HIVEP3: variants seen among roughly 807,000 people sequenced by gnomAD.
HIVEP3 encodes transcription factor HIVEP3.
A neutral mutation model predicts 152.8 loss-of-function variants in HIVEP3; 49 were observed. That is an observed-to-expected ratio of 0.32 (90% CI 0.26 to 0.41). The LOEUF (loss-of-function observed/expected upper bound fraction) is 0.41. Ranked by LOEUF, HIVEP3 falls within the 10% of genes least tolerant of loss-of-function variation. The probability of loss-of-function intolerance (pLI) is 1.00; values close to 1 mark genes in which losing one functional copy is unlikely to be tolerated. For synonymous variants in HIVEP3, 1,269 were observed against 1,289.0 expected (o/e 0.98, Z 0.33); for missense variants, 2,790 against 3,103.3 (o/e 0.90, Z 2.40).
chr1:41,683,273 C>T (rs1343405733), intron 2 of HIVEP3, among the ~76,000 whole-genome samples: 2 of 152,222 alleles, frequency 1.3e-5, no homozygotes, highest in Non-Finnish European at 2.9e-5. Context: ...TATTTGCAGT[C>T]CGTGTGCCTC....
chr1:41,560,407 G>T lies in HIVEP3; in HGVS notation c.5207+15137C>A, dbSNP rs1644041451. Among the ~76,000 whole-genome samples the T allele has an allele frequency of 2.0e-5, 3 of 152,138 alleles. No individual in the cohort carries two copies. In the South Asian group the frequency reaches 6.2e-4, roughly 31 times the overall value. On this transcript the variant is annotated intron_variant, in intron 5 of 8. Transcript: ENST00000372583. ...GGTCATTGGCTGTGACTGGCAACGGGGTTGGGGGCAGAGTACCAGGCCCTG... is the reference window on the plus strand; with the variant it reads ...GGTCATTGGCTGTGACTGGCAACGGTGTTGGGGGCAGAGTACCAGGCCCTG...
At chr1:41,700,353 G>T (rs1439309499) in intron 2 of HIVEP3, among the ~76,000 whole-genome samples, 1 of 152,166 alleles carries the variant, frequency 6.6e-6, no homozygotes, top group Non-Finnish European at 1.5e-5. Flanking sequence ...ACTTCCAGCA[G>T]CATTTACTAG....
intron 1 of HIVEP3, among the ~76,000 whole-genome samples, chr1:42,024,067 G>A (rs560963269): frequency 6.6e-6 from 1 of 152,252 alleles, no homozygotes; most frequent in South Asian, 2.1e-4. Context: ...TATTACAATA[G>A]CTTTATAATA....
intron 1 of HIVEP3, among the ~76,000 whole-genome samples, chr1:41,705,381 G>T (rs1646418030): frequency 6.6e-6 from 1 of 152,192 alleles, no homozygotes; most frequent in Non-Finnish European, 1.5e-5. Flanking sequence ...CTACCAGCCT[G>T]TGCCATCCAC....
chr1:41,559,087 T>C (rs1430718865), intron 5 of HIVEP3, among the ~76,000 whole-genome samples: 1 of 151,982 alleles, frequency 6.6e-6, no homozygotes, highest in African/African-American at 2.4e-5. Flanking sequence ...GATGACCCCA[T>C]CCATAGCACA....
chr1:41,906,067 T>C (rs903104320), intron 1 of HIVEP3, among the ~76,000 whole-genome samples: 2 of 152,170 alleles, frequency 1.3e-5, no homozygotes, highest in Non-Finnish European at 2.9e-5. Context: ...CCCAGCACTT[T>C]AGGAGGCCAA....
intron 2 of HIVEP3, among the ~76,000 whole-genome samples, chr1:41,694,867 C>A (rs183550869): frequency 6.6e-6 from 1 of 152,276 alleles, no homozygotes; most frequent in Admixed American, 6.5e-5. Flanking sequence ...AGAGATGTAA[C>A]CCTACCTAGT....
intron 2 of HIVEP3, among the ~76,000 whole-genome samples, chr1:41,666,997 C>T (rs1016226085): frequency 1.3e-5 from 2 of 152,228 alleles, no homozygotes; most frequent in Admixed American, 1.3e-4. Context: ...GCTTGGCCAG[C>T]TCCCACTCAG....
intron 1 of HIVEP3, among the ~76,000 whole-genome samples, chr1:41,793,273 G>C (rs1649801779): frequency 6.6e-6 from 1 of 152,220 alleles, no homozygotes; most frequent in Admixed American, 6.5e-5. Context: ...GGCTCCCCCT[G>C]TCTCATCAGG....
intron 1 of HIVEP3, among the ~76,000 whole-genome samples, chr1:41,715,562 G>T (rs891483181): frequency 1.3e-5 from 2 of 152,152 alleles, no homozygotes; most frequent in Admixed American, 6.5e-5. Context: ...AATCCCCAAG[G>T]CAGTTTATTG....
In HIVEP3 at chr1:41,672,770, A is replaced by G. The variant is rs530044374; in HGVS notation, c.-721+28146T>C. 1.5e-3 allele frequency among the ~76,000 whole-genome samples: 227 copies of G among 152,316 alleles called. 1 individual carries two copies. The highest frequency in any genetic ancestry group is 5.3e-3 in the African/African-American group (222 of 41,578). On this transcript the variant is annotated intron_variant, in intron 2 of 8. Transcript: ENST00000372583. ...GGCAGTCAAGACATCTGGCCAGTTC[A>G]GGTGGGGAGTGAGGAGAGTGAAAGA...
chr1:41,863,846 C>T (rs1163994082), intron 1 of HIVEP3, among the ~76,000 whole-genome samples: 1 of 152,170 alleles, frequency 6.6e-6, no homozygotes, highest in African/African-American at 2.4e-5. Flanking sequence ...CTAAGTTTCT[C>T]CCTGGCTCTA....
chr1:41,607,694 G>T (rs1321876627), intron 3 of HIVEP3, among the ~76,000 whole-genome samples: 3 of 152,086 alleles, frequency 2.0e-5, no homozygotes, highest in Non-Finnish European at 4.4e-5. Flanking sequence ...ATGAATGAGG[G>T]ATTATGTTGT....
intron 7 of HIVEP3, among the ~76,000 whole-genome samples, chr1:41,516,357 G>T (rs1191455104): frequency 6.6e-6 from 1 of 152,220 alleles, no homozygotes; most frequent in Admixed American, 6.5e-5. Flanking sequence ...GCGCCACCTC[G>T]CGTCCCACAG....
intron 1 of HIVEP3, among the ~76,000 whole-genome samples, chr1:41,806,973 C>T (rs1650662782): frequency 6.6e-6 from 1 of 152,090 alleles, no homozygotes. Flanking sequence ...GTCACTGGGT[C>T]ATCGAGTAAG....
chr1:41,753,418 T>C (rs1647196643), intron 1 of HIVEP3, among the ~76,000 whole-genome samples: 2 of 152,108 alleles, frequency 1.3e-5, no homozygotes, highest in South Asian at 2.1e-4. Context: ...CCCAGCACTT[T>C]GGACTTTGGG....
At chr1:41,841,039 T>G (rs1022748501) in intron 1 of HIVEP3, among the ~76,000 whole-genome samples, 5 of 152,146 alleles carry the variant, frequency 3.3e-5, no homozygotes, top group Non-Finnish European at 5.9e-5. Flanking sequence ...AGGAAGGAGC[T>G]GAATCACCCA....
intron 1 of HIVEP3, among the ~76,000 whole-genome samples, chr1:41,790,969 A>C (rs1367940218): frequency 6.6e-6 from 1 of 152,156 alleles, no homozygotes; most frequent in Non-Finnish European, 1.5e-5. Context: ...CTTCCTCCTG[A>C]AAGCCTCTGC....
At chr1:41,841,435 G>A (rs898463598) in intron 1 of HIVEP3, among the ~76,000 whole-genome samples, 8 of 152,130 alleles carry the variant, frequency 5.3e-5, no homozygotes, top group Non-Finnish European at 7.4e-5. Context: ...CTCCGGAGCC[G>A]AATGCTCTGT....
Sources: gnomAD v4.1 joint callset for allele counts (sites outside exome capture counted in the v4.1 genomes callset) on GRCh38, gnomAD v4.1.1 for gene constraint, MANE v1.5 for transcripts, NCBI Gene and HGNC (gene_info 2026-07-23, HGNC 2026-07-21) for gene names.